Variants in COL6A5 observed in about 807,000 individuals in gnomAD.
COL6A5 encodes collagen type VI alpha 5 chain, also known as collagen alpha-5(VI) chain.
In COL6A5, 48 loss-of-function variants were observed where a neutral mutation model predicts 65.6. The observed-to-expected ratio is 0.73, with a 90% CI of 0.58 to 0.93. COL6A5 has a LOEUF of 0.93. Ranked by LOEUF, COL6A5 falls within the 40% of genes least tolerant of loss-of-function variation. The pLI, the probability that COL6A5 is intolerant of heterozygous loss-of-function variation, is 0.00. For synonymous variants in COL6A5, 291 were observed against 322.8 expected, an observed-to-expected ratio of 0.90 and a Z score of 1.05; for missense variants, 914 against 928.3, an observed-to-expected ratio of 0.98 and a Z score of 0.20.
intron 1 of COL6A5, among the ~76,000 whole-genome samples, chr3:130,354,675 T>C (rs1194584449): frequency 6.6e-6 from 1 of 152,212 alleles, no homozygotes; most frequent in Non-Finnish European, 1.5e-5. Context: ...AAGAGTCATC[T>C]AGCCCAGAGC....
intron 19 of COL6A5, 131 bp downstream of exon 19, chr3:130,410,205 G>T: frequency 5.6e-6 from 4 of 709,638 alleles, no homozygotes; most frequent in Admixed American, 2.9e-5. Flanking sequence ...TTTATTTTTT[G>T]ATGATGCATA....
chr3:130,362,093 T>C (rs1935127960), intron 1 of COL6A5, among the ~76,000 whole-genome samples: 1 of 151,840 alleles, frequency 6.6e-6, no homozygotes. Context: ...TTTTTTTTCA[T>C]GGATCTTGTC....
intron 3 of COL6A5, among the ~76,000 whole-genome samples, chr3:130,442,285 AG>A (rs1206141048): frequency 2.0e-5 from 3 of 152,196 alleles, no homozygotes; most frequent in Non-Finnish European, 4.4e-5. Context: ...TATGTGAAAT[AG>A]GCAGGTTAAG....
rs1482990009 is a variant in COL6A5, at chr3:130,426,351, T to C, written c.5200-16T>C. ...TACTTGCATTTCTTTTCTCTCTCCT[T>C]TTTCAACATTTACAGCAATGTGATC... On this transcript the variant is annotated splice_polypyrimidine_tract_variant and intron_variant and NMD_transcript_variant, in intron 30 of 41. Coordinates refer to the COL6A5 transcript ENST00000312481. 2 of 1,551,404 alleles carry C rather than the reference T, an allele frequency of 1.3e-6. No individual in the cohort carries two copies. Among genetic ancestry groups the C allele is most frequent in the Admixed American group, 2.0e-5 (1 of 50,982 alleles).
At chr3:130,429,670 G>C, upstream of COL6A5, 9 of 1,118,666 alleles carry the variant, frequency 8.0e-6, no homozygotes, top group Non-Finnish European at 1.0e-5. Flanking sequence ...CCTCAACTCC[G>C]TGGGAAACAG....
rs959894786 is a variant in COL6A5 at position 130,478,263 on chromosome 3, A to T, written c.2329-5772A>T. 2.6e-5 allele frequency among the ~76,000 whole-genome samples: 4 copies of T among 152,108 alleles called. No individual in the cohort carries two copies. The East Asian group carries it at 7.7e-4, about 29-fold the overall frequency. On this transcript the variant is annotated intron_variant, in intron 7 of 7. Coordinates refer to ENST00000512836, the Ensembl canonical transcript of COL6A5. ...CGTGATCATGTTGATGATGACAGTG[A>T]TGATAACAAATGATATCAGAGCTAG...
Position 130,422,717 on chromosome 3 carries a change from C to G in COL6A5, c.5038-3C>G. ...TCTTGACTTTTTATATCTGAATCTT[C>G]AGGGTGATATTGGTAATCCTGGAAT... On this transcript the variant is annotated splice_region_variant and splice_polypyrimidine_tract_variant and intron_variant and NMD_transcript_variant, in intron 27 of 41. Coordinates refer to the COL6A5 transcript ENST00000312481. 6.6e-7 allele frequency: 1 copy of G among 1,522,526 alleles called. No homozygotes were observed. Among genetic ancestry groups the G allele is most frequent in the Non-Finnish European group, 8.9e-7 (1 of 1,128,230 alleles). The allele number at this position is 1,522,526 out of a possible 1,614,324, so 94.3% of individuals were successfully genotyped here.
intron 4 of COL6A5, among the ~76,000 whole-genome samples, chr3:130,383,789 T>C (rs1936088357): frequency 6.6e-6 from 1 of 152,040 alleles, no homozygotes; most frequent in South Asian, 2.1e-4. Flanking sequence ...GTAAATAGAC[T>C]ACTAAGAAAG....
chr3:130,388,217 T>G (rs1936266373), intron 5 of COL6A5, among the ~76,000 whole-genome samples: 1 of 152,106 alleles, frequency 6.6e-6, no homozygotes, highest in Non-Finnish European at 1.5e-5. Context: ...TGCAAGGAAT[T>G]GATTGCTTTG....
At chr3:130,395,711 GC>G (rs1363233794) in intron 8 of COL6A5, among the ~76,000 whole-genome samples, 1 of 152,214 alleles carries the variant, frequency 6.6e-6, no homozygotes, top group Non-Finnish European at 1.5e-5. Flanking sequence ...CCTCTGGTCA[GC>G]CCTGTTCCCT....
At chr3:130,425,112 C>G (rs1937579462) in intron 29 of COL6A5, among the ~76,000 whole-genome samples, 1 of 152,108 alleles carries the variant, frequency 6.6e-6, no homozygotes, top group African/African-American at 2.4e-5. Flanking sequence ...TTTCTGTTAT[C>G]TGCCATAACT....
intron 3 of COL6A5, among the ~76,000 whole-genome samples, chr3:130,378,861 ATTTC>A (rs1295326467): frequency 7.9e-5 from 12 of 152,256 alleles, no homozygotes; most frequent in African/African-American, 2.6e-4. Context: ...CACCTGTTTT[ATTTC>A]CTTGCTAGCA....
exon 3 of COL6A5, chr3:130,440,606 A>T: frequency 6.2e-7 from 1 of 1,613,466 alleles, no homozygotes; most frequent in Non-Finnish European, 8.5e-7. Flanking sequence ...AGCTGGAGAA[A>T]ATTATGAGAG....
intron 28 of COL6A5, among the ~76,000 whole-genome samples, chr3:130,423,463 T>G (rs901469402): frequency 6.6e-6 from 1 of 152,140 alleles, no homozygotes; most frequent in Non-Finnish European, 1.5e-5. Context: ...CCCACTCATG[T>G]CCTCTTATGA....
chr3:130,402,749 TA>T, intron 12 of COL6A5, among the ~76,000 whole-genome samples: 1 of 152,264 alleles, frequency 6.6e-6, no homozygotes, highest in South Asian at 2.1e-4. Flanking sequence ...CTTATATATA[TA>T]AAAATTATAA....
At chr3:130,425,231 C>T (rs183177980) in intron 29 of COL6A5, among the ~76,000 whole-genome samples, 4 of 152,226 alleles carry the variant, frequency 2.6e-5, no homozygotes, top group East Asian at 1.9e-4. Flanking sequence ...CACAACAGTT[C>T]GGATTAACTC....
intron 14 of COL6A5, 108 bp from the exon 15 acceptor site, chr3:130,405,885 T>G: frequency 8.9e-7 from 1 of 1,121,466 alleles, no homozygotes; most frequent in Non-Finnish European, 1.3e-6. Flanking sequence ...TGTAGATGTA[T>G]AGCCCGAAGC....
intron 10 of COL6A5, among the ~76,000 whole-genome samples, chr3:130,400,059 G>C (rs1373367058): frequency 6.6e-6 from 1 of 152,118 alleles, no homozygotes; most frequent in African/African-American, 2.4e-5. Context: ...CACTGTGCCT[G>C]GTCCCCATGT....
At chr3:130,440,953 G>T in intron 3 of COL6A5, 128 bp downstream of exon 35, 1 of 758,054 alleles carries the variant, frequency 1.3e-6, no homozygotes, top group East Asian at 2.7e-5. Flanking sequence ...TGAGATAGGG[G>T]CAGGAATGGA....
Sources: gnomAD v4.1 joint callset for allele counts (sites outside exome capture counted in the v4.1 genomes callset) on GRCh38, gnomAD v4.1.1 for gene constraint, MANE v1.5 for transcripts, NCBI Gene and HGNC (gene_info 2026-07-23, HGNC 2026-07-21) for gene names.